Variants in RAD51B observed in about 807,000 individuals in gnomAD.
RAD51B encodes the protein DNA repair protein RAD51 homolog 2.
In RAD51B, 38 loss-of-function variants were observed where a neutral mutation model predicts 42.2. The ratio of observed to expected loss-of-function variants is 0.90; its 90% confidence interval spans 0.70 to 1.18. The LOEUF (loss-of-function observed/expected upper bound fraction) is 1.18, where lower values mean the gene tolerates loss of function less well. RAD51B is among the 50% of genes most tolerant of loss of function. The pLI is 0.00. For synonymous variants in RAD51B, 154 were observed against 145.2 expected (o/e 1.06, Z -0.43); for missense variants, 373 against 400.7 (o/e 0.93, Z 0.59).
At chr14:68,656,198 G>A (rs1892811994) in intron 11 of RAD51B, among the ~76,000 whole-genome samples, 1 of 152,122 alleles carries the variant, frequency 6.6e-6, no homozygotes, top group Admixed American at 6.5e-5. Flanking sequence ...TGAAAAGCCT[G>A]GACCCTGCTC....
intron 7 of RAD51B, among the ~76,000 whole-genome samples, chr14:68,077,162 T>C (rs931670896): frequency 6.6e-6 from 1 of 152,232 alleles, no homozygotes; most frequent in Non-Finnish European, 1.5e-5. Context: ...AGTGGAGAGA[T>C]GAAGTAAGTC....
chr14:68,594,862 A>G, exon 11 of RAD51B: 13 of 1,173,140 alleles, frequency 1.1e-5, no homozygotes, highest in Non-Finnish European at 1.3e-5. Flanking sequence ...TGTCCCAGGC[A>G]CACAGCCCAT....
At chr14:68,320,891 T>C (rs1165851801) in intron 8 of RAD51B, among the ~76,000 whole-genome samples, 1 of 152,214 alleles carries the variant, frequency 6.6e-6, no homozygotes, top group Non-Finnish European at 1.5e-5. Flanking sequence ...CTGGAAGAGT[T>C]GTTTTCATAG....
At chr14:68,158,745 C>A (rs1210962134) in intron 7 of RAD51B, among the ~76,000 whole-genome samples, 4 of 152,166 alleles carry the variant, frequency 2.6e-5, no homozygotes, top group Non-Finnish European at 2.9e-5. Context: ...TTTGCCTCTC[C>A]TGTCGATTCT....
At chr14:67,863,137 T>G (rs2139983695) in intron 4 of RAD51B, among the ~76,000 whole-genome samples, 1 of 147,128 alleles carries the variant, frequency 6.8e-6, no homozygotes, top group African/African-American at 2.5e-5. Context: ...AGCATATAGT[T>G]TTAAATATGG....
At chr14:67,891,204 C>G (rs760452672) in intron 7 of RAD51B, among the ~76,000 whole-genome samples, 13 of 151,988 alleles carry the variant, frequency 8.6e-5, no homozygotes, top group Admixed American at 6.6e-4. Flanking sequence ...CCAGTTAACA[C>G]TATTTACAAA....
chr14:68,138,322 AT>A, intron 7 of RAD51B, among the ~76,000 whole-genome samples: 1 of 152,248 alleles, frequency 6.6e-6, no homozygotes, highest in Non-Finnish European at 1.5e-5. Flanking sequence ...TCAGAAGTAC[AT>A]TTTACCGTTT....
At chr14:68,337,492 T>C (rs1279859719) in intron 8 of RAD51B, among the ~76,000 whole-genome samples, 3 of 152,244 alleles carry the variant, frequency 2.0e-5, no homozygotes, top group African/African-American at 4.8e-5. Flanking sequence ...CATCCTGTGG[T>C]TCTTTCTTCC....
chr14:67,833,092 C>T (rs1295971453), intron 3 of RAD51B, among the ~76,000 whole-genome samples: 5 of 152,006 alleles, frequency 3.3e-5, no homozygotes, highest in Admixed American at 6.6e-5. Context: ...AGGAGAATTT[C>T]GGGCCAGGTG....
intron 7 of RAD51B, chr14:68,149,762 T>C (rs547575014): frequency 6.6e-6 from 1 of 152,300 alleles, no homozygotes; most frequent in East Asian, 1.9e-4. Context: ...CCTGGTTGGT[T>C]CCCTGCTTTC....
At chr14:68,442,435 CTTTTTT>C (rs774360651) in intron 9 of RAD51B, among the ~76,000 whole-genome samples, 58 of 68,422 alleles carry the variant, frequency 8.5e-4, no homozygotes, top group African/African-American at 3.4e-3. Flanking sequence ...AGGCATTGTG[CTTTTTT>C]TTTTTTTTTT....
chr14:68,620,794 G>A (rs1418886280), intron 10 of RAD51B, among the ~76,000 whole-genome samples: 1 of 152,200 alleles, frequency 6.6e-6, no homozygotes, highest in East Asian at 1.9e-4. Flanking sequence ...AATACAATTG[G>A]TCTGGGATGG....
rs145603101 is a variant in RAD51B, at chr14:68,439,075, T to C, written c.957+27548T>C. ...GACCTTTACAATTTGCATTTCCCAG[T>C]CTCCCTTTCCATTGAGTCTGGTTAG... is the stretch of plus-strand genomic sequence containing the variant. On this transcript the variant is annotated intron_variant, in intron 9 of 10. Transcript: ENST00000471583. 2.0e-4 allele frequency among the ~76,000 whole-genome samples: 31 copies of C among 152,114 alleles called. 2 individuals carry two copies. The East Asian group carries it at 6.0e-3, about 29-fold the overall frequency.
intron 7 of RAD51B, among the ~76,000 whole-genome samples, chr14:67,922,054 C>T (rs919567661): frequency 1.3e-4 from 20 of 152,212 alleles, no homozygotes; most frequent in Admixed American, 1.1e-3. Flanking sequence ...GCTCAGCAAG[C>T]GTCCAGCTTT....
intron 4 of RAD51B, among the ~76,000 whole-genome samples, chr14:67,836,913 G>A (rs1188390085): frequency 6.6e-6 from 1 of 152,050 alleles, no homozygotes; most frequent in Non-Finnish European, 1.5e-5. Flanking sequence ...AGTTCTAGGG[G>A]CATAAATACT....
intron 7 of RAD51B, among the ~76,000 whole-genome samples, chr14:68,116,996 A>G (rs1360422157): frequency 6.6e-6 from 1 of 152,230 alleles, no homozygotes; most frequent in Non-Finnish European, 1.5e-5. Flanking sequence ...AGTCCCTTGG[A>G]AGGTAACAAT....
At chr14:68,327,552 G>A (rs1466363142) in intron 8 of RAD51B, among the ~76,000 whole-genome samples, 1 of 151,596 alleles carries the variant, frequency 6.6e-6, no homozygotes, top group African/African-American at 2.4e-5. Context: ...TAAATTTCCT[G>A]GTTCCCTTTT....
At chr14:68,171,566 G>A (rs2078872748) in intron 7 of RAD51B, among the ~76,000 whole-genome samples, 1 of 152,002 alleles carries the variant, frequency 6.6e-6, no homozygotes, top group Non-Finnish European at 1.5e-5. Flanking sequence ...CTCCCAAAGT[G>A]CTGGGATTAC....
chr14:68,021,798 T>C (rs2075871489), intron 7 of RAD51B, among the ~76,000 whole-genome samples: 1 of 152,176 alleles, frequency 6.6e-6, no homozygotes, highest in Admixed American at 6.5e-5. Context: ...TATCATAGCA[T>C]TATGTCTAAA....
Sources: allele counts gnomAD v4.1 joint callset (sites outside exome capture counted in the v4.1 genomes callset), GRCh38; gene constraint gnomAD v4.1.1; transcripts MANE v1.5; gene names NCBI Gene and HGNC (gene_info 2026-07-23, HGNC 2026-07-21).